Variants in VPS35L observed in about 807,000 individuals in gnomAD.
The protein encoded by VPS35L is VPS35 endosomal protein sorting factor like.
Under a neutral mutation model 133.0 loss-of-function variants are expected in VPS35L, and 83 were observed. The ratio of observed to expected loss-of-function variants is 0.62; its 90% confidence interval spans 0.52 to 0.75. VPS35L has a LOEUF of 0.75. Among genes scored for constraint, VPS35L ranks in the 30% least tolerant of loss-of-function variants. VPS35L has a pLI of 0.00. For missense variants in VPS35L, 1,083 were observed against 1,206.8 expected, an observed-to-expected ratio of 0.90 and a Z score of 1.52; for synonymous variants, 423 against 449.9, an observed-to-expected ratio of 0.94 and a Z score of 0.76.
chr16:19,637,760 A>G, intron 20 of VPS35L, 104 bp downstream of exon 20: 1 of 766,560 alleles, frequency 1.3e-6, no homozygotes. Flanking sequence ...AGAAATATTC[A>G]GCAGTTCCTT....
At chr16:19,608,440 A>G in intron 10 of VPS35L, 166 bp downstream of exon 10, 1 of 583,822 alleles carries the variant, frequency 1.7e-6, no homozygotes. Flanking sequence ...CATTGTAGAA[A>G]CCCTTGGACT....
intron 14 of VPS35L, among the ~76,000 whole-genome samples, chr16:19,620,394 A>G (rs951796273): frequency 2.6e-5 from 4 of 152,196 alleles, no homozygotes; most frequent in Non-Finnish European, 4.4e-5. Flanking sequence ...GTTGTGTTAT[A>G]CTAGTGTCAG....
intron 27 of VPS35L, among the ~76,000 whole-genome samples, chr16:19,679,580 G>A (rs569546091): frequency 4.6e-5 from 7 of 151,276 alleles, no homozygotes; most frequent in Non-Finnish European, 8.8e-5. Context: ...ATCTCTGCTC[G>A]CTCATCCTCC....
At chr16:19,674,135 A>G (rs1974970785) in intron 27 of VPS35L, among the ~76,000 whole-genome samples, 1 of 151,058 alleles carries the variant, frequency 6.6e-6, no homozygotes, top group Non-Finnish European at 1.5e-5. Flanking sequence ...ATCTAGCATT[A>G]ACAAGACTCC....
chr16:19,611,061 G>T (rs887128242), intron 12 of VPS35L, among the ~76,000 whole-genome samples: 1 of 152,058 alleles, frequency 6.6e-6, no homozygotes, highest in Non-Finnish European at 1.5e-5. Flanking sequence ...GTGCAGTGGC[G>T]CCATCTCGGC....
intron 11 of VPS35L, 123 bp downstream of exon 11, chr16:19,609,144 C>A: frequency 1.3e-6 from 1 of 793,910 alleles, no homozygotes. Flanking sequence ...TGTTAAGCAC[C>A]TTCTGTTCTT....
chr16:19,582,536 C>T (rs770454097), intron 7 of VPS35L, among the ~76,000 whole-genome samples: 2 of 152,142 alleles, frequency 1.3e-5, no homozygotes, highest in Admixed American at 6.6e-5. Flanking sequence ...GGCAAACCCA[C>T]GCCCGTTTCT....
intron 12 of VPS35L, among the ~76,000 whole-genome samples, chr16:19,612,755 G>A (rs975257353): frequency 1.3e-5 from 2 of 152,136 alleles, no homozygotes; most frequent in African/African-American, 2.4e-5. Flanking sequence ...TTGCAAGCCT[G>A]TTCCCTTTTA....
intron 8 of VPS35L, among the ~76,000 whole-genome samples, chr16:19,596,982 G>C (rs558271756): frequency 7.2e-5 from 11 of 152,010 alleles, no homozygotes; most frequent in African/African-American, 2.4e-4. Flanking sequence ...TCAAGCCACT[G>C]CACTCCATTC....
Position 19,633,319 on chromosome 16 carries a change from A to G in VPS35L, c.1635+147A>G. 1 of 757,774 alleles carries G rather than the reference A, an allele frequency of 1.3e-6. No homozygotes were observed. Among genetic ancestry groups the G allele is most frequent in the South Asian group, 1.6e-5 (1 of 61,574 alleles). The allele number at this position is 757,774 out of a possible 1,614,324, so 46.9% of individuals were successfully genotyped here. On this transcript the variant is annotated intron_variant, in intron 19 of 30. Transcript: ENST00000417362. The surrounding 1 kb of genome is among the most constrained non-coding windows in gnomAD (Gnocchi z 4.1). ...CCATATCCTAGCCATGTGCCCTTTG[A>G]TCAGTTACTTAACCTTGTTGTGCCC...
At position 19,627,812 on chromosome 16, in the gene VPS35L, TCTTGA is replaced by T. The variant is rs772687480; in HGVS notation, c.1383+11_1383+15del. 6.3e-7 allele frequency: 1 copy of T among 1,585,248 alleles called. No homozygotes were observed. The highest frequency in any genetic ancestry group is 1.1e-5 in the South Asian group (1 of 90,478). On this transcript the variant is annotated splice_region_variant and intron_variant, in intron 16 of 30. Coordinates refer to ENST00000417362, the MANE Select transcript of VPS35L (RefSeq NM_020314.7). ...TGAATCTGGTTTCCCCAAGGTAGGC[TCTTGA>T]CTTCATGCTCAGTAGGACACAAATA...
rs761423283 is a variant in VPS35L at position 19,629,784 on chromosome 16, C to T, written c.1518C>T (p.Ala506=). The change falls in exon 18 of 31, where the codon GCC becomes GCT. Residue 506 remains alanine, a synonymous_variant. Coordinates refer to ENST00000417362, the MANE Select transcript of VPS35L (RefSeq NM_020314.7). ...LKNPQDYINC[A]EVWVEYTCKH... is the part of the protein sequence containing the mutation. ...CTTTGTAGGACTACATTAATTGTGC[C>T]GAAGTGTGGGTGGAATACACCTGCA... The T allele has an allele frequency of 9.9e-6, 16 of 1,613,522 alleles. No individual in the cohort carries two copies. The highest frequency in any genetic ancestry group is 6.6e-5 in the South Asian group (6 of 91,060).
chr16:19,610,670 T>C (rs1356840399), intron 12 of VPS35L: 9 of 316,286 alleles, frequency 2.8e-5, no homozygotes, highest in Admixed American at 5.0e-5. Context: ...AATGAACTGG[T>C]TTTCAGAAGT....
chr16:19,666,030 G>T (rs542423227), intron 26 of VPS35L, among the ~76,000 whole-genome samples: 15 of 151,620 alleles, frequency 9.9e-5, no homozygotes, highest in Non-Finnish European at 2.1e-4. Flanking sequence ...CTGATTATTA[G>T]ATTTTTTTTC....
chr16:19,556,765 C>T (rs902863032), intron 1 of VPS35L, among the ~76,000 whole-genome samples: 15 of 151,602 alleles, frequency 9.9e-5, no homozygotes, highest in Non-Finnish European at 1.9e-4. Context: ...TTCCTTGACA[C>T]GCTACATCAG....
At chr16:19,622,184 A>G (rs76861917) in intron 14 of VPS35L, among the ~76,000 whole-genome samples, 6,618 of 127,412 alleles carry the variant, frequency 0.052, 395 homozygotes, top group East Asian at 0.17. Context: ...CTGCTCTGTC[A>G]CCCAGGCTGG....
In VPS35L at chr16:19,616,701, G is replaced by A. The variant is rs1367353799; in HGVS notation, c.1117G>A (p.Val373Ile). 6.2e-7 allele frequency: 1 copy of A among 1,614,002 alleles called. No individual in the cohort carries two copies. The change falls in exon 14 of 31, where the codon GTC (valine) becomes ATC (isoleucine). Residue 373 changes from valine (V) to isoleucine (I), a missense_variant. Physicochemically the swap from Val to Ile is conservative, Grantham distance 29 (BLOSUM62 3). Transcript: ENST00000417362. ...CCTCCTGTAGATTCATGGGGATACG[G>A]TCCAGAACCAGCTGGTGGTCCAAGG... is the stretch of plus-strand genomic sequence containing the variant. ...LTFKQIHGDT[V>I]QNQLVVQGVE...
intron 27 of VPS35L, among the ~76,000 whole-genome samples, chr16:19,679,498 TA>T (rs1205130335): frequency 2.1e-4 from 31 of 144,674 alleles, no homozygotes; most frequent in African/African-American, 7.3e-4. Flanking sequence ...TTTATTTATT[TA>T]TTTATTTATT....
chr16:19,579,098 C>T lies in VPS35L; in HGVS notation c.480C>T (p.Thr160=). The T allele has an allele frequency of 6.2e-7, 1 of 1,614,090 alleles. No individual in the cohort carries two copies. The highest frequency in any genetic ancestry group is 8.5e-7 in the Non-Finnish European group (1 of 1,180,020). ...ATLAMSEKVR[T]RLEELDDFEE... ...TGGCAATGTCAGAGAAGGTGCGGAC[C>T]CGGCTGGAGGAGCTGGATGACTTTG... The change falls in exon 6 of 31, where the codon ACC becomes ACT. Residue 160 remains threonine, a synonymous_variant. Transcript: ENST00000417362.
Sources: allele counts gnomAD v4.1 joint callset (sites outside exome capture counted in the v4.1 genomes callset), GRCh38; gene constraint gnomAD v4.1.1; non-coding constraint Gnocchi (gnomAD v3.1); transcripts MANE v1.5; gene names NCBI Gene and HGNC (gene_info 2026-07-23, HGNC 2026-07-21).